The following ELMO1 variants were observed in gnomAD, a reference collection of about 807,000 sequenced individuals.
ELMO1 encodes the protein engulfment and cell motility 1, also known as engulfment and cell motility protein 1.
In ELMO1, 26 loss-of-function variants were observed where a neutral mutation model predicts 98.9. That is an observed-to-expected ratio of 0.26 (90% CI 0.19 to 0.36). The LOEUF (loss-of-function observed/expected upper bound fraction) is 0.36. Among genes scored for constraint, ELMO1 ranks in the 10% least tolerant of loss-of-function variants. ELMO1 has a pLI of 1.00. For missense variants in ELMO1, 627 were observed against 935.2 expected, an observed-to-expected ratio of 0.67 and a Z score of 4.30; for synonymous variants, 346 against 346.0, an observed-to-expected ratio of 1.00 and a Z score of 0.00.
intron 13 of ELMO1, among the ~76,000 whole-genome samples, chr7:37,137,908 G>A (rs1274113219): frequency 6.6e-6 from 1 of 152,110 alleles, no homozygotes; most frequent in Non-Finnish European, 1.5e-5. Context: ...AATAAAATTG[G>A]AAATCAACTC....
At chr7:37,196,160 G>A (rs1000529092) in intron 13 of ELMO1, among the ~76,000 whole-genome samples, 11 of 152,174 alleles carry the variant, frequency 7.2e-5, no homozygotes, top group African/African-American at 2.4e-4. Flanking sequence ...ATGGAGACAA[G>A]GCCTCTTGGA....
rs150479776 is a variant in ELMO1 at position 36,996,157 on chromosome 7, G to A, written c.1437+17142C>T. 3.6e-3 allele frequency among the ~76,000 whole-genome samples: 547 copies of A among 152,210 alleles called. 3 individuals are homozygous for A. The highest frequency in any genetic ancestry group is 0.024 in the Middle Eastern group (7 of 294). ...AAATATTCCCTTTCCTTTTCTTTTG[G>A]AAATAGCTTAATTTTTTTCATCTTG... On this transcript the variant is annotated intron_variant, in intron 16 of 21. Coordinates refer to ENST00000310758, the MANE Select transcript of ELMO1 (RefSeq NM_014800.11).
At chr7:37,279,564 C>A (rs1797031822) in intron 4 of ELMO1, among the ~76,000 whole-genome samples, 1 of 152,164 alleles carries the variant, frequency 6.6e-6, no homozygotes, top group Non-Finnish European at 1.5e-5. Flanking sequence ...AAAACACACC[C>A]CCACTAAAGA....
At chr7:37,138,662 C>G (rs1032516248) in intron 13 of ELMO1, among the ~76,000 whole-genome samples, 2 of 152,128 alleles carry the variant, frequency 1.3e-5, no homozygotes, top group Non-Finnish European at 2.9e-5. Context: ...AGAATTAGTA[C>G]CAATCTATTG....
At chr7:36,903,215 A>T (rs1156877701) in intron 16 of ELMO1, among the ~76,000 whole-genome samples, 1 of 152,080 alleles carries the variant, frequency 6.6e-6, no homozygotes, top group Non-Finnish European at 1.5e-5. Context: ...CCTCCTATCC[A>T]TGACTATTAC....
In ELMO1 at chr7:37,216,805, T is replaced by C. The variant is rs559991010; in HGVS notation, c.781-110A>G. The stretch of plus-strand genomic sequence containing the variant: ...GTGCTTCGTAACTGTATATCAGCAG[T>C]ATTTCTTATGAAATAATGAACTCAA... On this transcript the variant is annotated intron_variant, in intron 10 of 21. Coordinates refer to ENST00000310758, the MANE Select transcript of ELMO1 (RefSeq NM_014800.11). The C allele has an allele frequency of 6.6e-6, 7 of 1,060,854 alleles. No individual in the cohort carries two copies. The East Asian group carries it at 1.5e-4, about 22-fold the overall frequency. The allele number at this position is 1,060,854 out of a possible 1,614,324, so 65.7% of individuals were successfully genotyped here. A position where few individuals can be genotyped will look rare whatever the true frequency, so the allele number is the denominator to read the frequency against.
chr7:37,164,995 G>C (rs1200623547), intron 13 of ELMO1, among the ~76,000 whole-genome samples: 1 of 151,992 alleles, frequency 6.6e-6, no homozygotes, highest in Non-Finnish European at 1.5e-5. Context: ...CCATTTGTTT[G>C]TATCCTTTTA....
At chr7:36,856,020 G>A (rs1226399667) in intron 21 of ELMO1, among the ~76,000 whole-genome samples, 2 of 152,234 alleles carry the variant, frequency 1.3e-5, no homozygotes, top group African/African-American at 2.4e-5. Context: ...TGACTCCAGT[G>A]CCTGTGCTCT....
At chr7:37,204,142 C>T (rs917300357) in intron 13 of ELMO1, 11 of 456,416 alleles carry the variant, frequency 2.4e-5, no homozygotes, top group Non-Finnish European at 3.5e-5. Flanking sequence ...CACCGCCTGG[C>T]GATGGGCGAT....
chr7:36,932,321 G>A (rs752156703), intron 16 of ELMO1, among the ~76,000 whole-genome samples: 21 of 152,150 alleles, frequency 1.4e-4, no homozygotes, highest in Non-Finnish European at 2.6e-4. Flanking sequence ...TGGGCGATAC[G>A]TGATAAAAGA....
chr7:37,130,043 A>G (rs1156770846), intron 14 of ELMO1, among the ~76,000 whole-genome samples: 1 of 152,134 alleles, frequency 6.6e-6, no homozygotes, highest in African/African-American at 2.4e-5. Context: ...AACTAGTACT[A>G]TTCAACAGTT....
intron 16 of ELMO1, among the ~76,000 whole-genome samples, chr7:36,990,877 T>C (rs1310627737): frequency 6.6e-6 from 1 of 152,184 alleles, no homozygotes; most frequent in East Asian, 1.9e-4. Flanking sequence ...AGTTCACCTA[T>C]AGGTCTTAAC....
chr7:37,170,059 G>A (rs1354826039), intron 13 of ELMO1, among the ~76,000 whole-genome samples: 1 of 152,046 alleles, frequency 6.6e-6, no homozygotes, highest in Non-Finnish European at 1.5e-5. Flanking sequence ...ACGCCACCAT[G>A]CCCAGCTAAT....
At chr7:37,017,037 T>C (rs1279672134) in intron 15 of ELMO1, among the ~76,000 whole-genome samples, 1 of 152,236 alleles carries the variant, frequency 6.6e-6, no homozygotes, top group Non-Finnish European at 1.5e-5. Context: ...GCTTCACCTA[T>C]TAATGCTGAT....
chr7:37,248,589 G>A (rs74802842), intron 6 of ELMO1, among the ~76,000 whole-genome samples: 6,856 of 152,318 alleles, frequency 0.045, 362 homozygotes, highest in African/African-American at 0.12. Flanking sequence ...AATGCAGAGT[G>A]CACTGCAGGC....
chr7:37,390,227 T>C (rs1047888344), intron 1 of ELMO1, among the ~76,000 whole-genome samples: 14 of 152,230 alleles, frequency 9.2e-5, no homozygotes, highest in African/African-American at 1.9e-4. Context: ...GAGCATAAAG[T>C]CAGCCCCTTA....
intron 16 of ELMO1, among the ~76,000 whole-genome samples, chr7:36,912,389 A>G (rs550847091): frequency 6.6e-6 from 1 of 152,342 alleles, no homozygotes; most frequent in Non-Finnish European, 1.5e-5. Flanking sequence ...CACCTATGGA[A>G]AGACACCTTA....
At chr7:37,107,446 A>G (rs1038517938) in intron 14 of ELMO1, among the ~76,000 whole-genome samples, 3 of 152,206 alleles carry the variant, frequency 2.0e-5, no homozygotes, top group Non-Finnish European at 4.4e-5. Context: ...GGAATGCAAG[A>G]AAGACTAATT....
At chr7:36,888,136 G>C (rs187012115) in intron 17 of ELMO1, among the ~76,000 whole-genome samples, 2 of 152,272 alleles carry the variant, frequency 1.3e-5, no homozygotes, top group East Asian at 3.9e-4. Context: ...ACTGTGTAGT[G>C]AGCAAACCAC....
Sources: gnomAD v4.1 joint callset for allele counts (sites outside exome capture counted in the v4.1 genomes callset) on GRCh38, gnomAD v4.1.1 for gene constraint, MANE v1.5 for transcripts, NCBI Gene and HGNC (gene_info 2026-07-23, HGNC 2026-07-21) for gene names.